ABR: variants seen among roughly 807,000 people sequenced by gnomAD.
ABR encodes the protein ABR activator of RhoGEF and GTPase.
Under a neutral mutation model 107.2 loss-of-function variants are expected in ABR, and 35 were observed. The ratio of observed to expected loss-of-function variants is 0.33; its 90% CI spans 0.25 to 0.43. The LOEUF (loss-of-function observed/expected upper bound fraction) is 0.43, where lower values mean the gene tolerates loss of function less well. Ranked by LOEUF, ABR falls within the 20% of genes least tolerant of loss-of-function variation. The probability of loss-of-function intolerance (pLI) is 1.00; values close to 1 mark genes in which losing one functional copy is unlikely to be tolerated. For synonymous variants in ABR, 498 were observed against 462.0 expected, an observed-to-expected ratio of 1.08 and a Z score of -1.00; for missense variants, 815 against 1,115.2, an observed-to-expected ratio of 0.73 and a Z score of 3.83.
intron 16 of ABR, among the ~76,000 whole-genome samples, chr17:1,045,392 GGA>G (rs2031417618): frequency 8.0e-6 from 1 of 125,744 alleles, no homozygotes; most frequent in Non-Finnish European, 1.8e-5. Context: ...TCTTACAGCA[GGA>G]CAATCTTCCG....
chr17:1,006,797 C>CAGATGTCCGCAGCCGAG (rs2070074145), intron 22 of ABR, among the ~76,000 whole-genome samples: 1 of 133,594 alleles, frequency 7.5e-6, no homozygotes, highest in African/African-American at 2.8e-5. Context: ...GTCATGGGAC[C>CAGATGTCCGCAGCCGAG]GTCACCCTCC....
At chr17:1,119,822 T>C (rs2039264884) in intron 2 of ABR, among the ~76,000 whole-genome samples, 1 of 152,230 alleles carries the variant, frequency 6.6e-6, no homozygotes, top group South Asian at 2.1e-4. Context: ...TCTGGCATCA[T>C]AGAAACCCAA....
At position 1,179,783 on chromosome 17, in the gene ABR, A is replaced by C; in HGVS notation, c.-56T>G. The stretch of plus-strand genomic sequence containing the variant: ...CCCGACCCTCATCGCGCAACAAAGG[A>C]GGGAGAGCGGGCGGGAGCCGGGGGA... On this transcript the variant is annotated 5_prime_UTR_variant, in exon 1 of 23. Transcript: ENST00000302538. The surrounding 1 kb of genome is among the most constrained non-coding windows in gnomAD (Gnocchi z 4.9). The C allele has an allele frequency of 3.1e-5, 10 of 327,524 alleles. No individual in the cohort carries two copies. The highest frequency in any genetic ancestry group is 4.8e-5 in the Non-Finnish European group (8 of 165,566). The allele number at this position is 327,524 out of a possible 1,614,324, so 20.3% of individuals were successfully genotyped here.
chr17:1,056,442 G>C (rs2033285129), intron 13 of ABR, among the ~76,000 whole-genome samples: 1 of 152,034 alleles, frequency 6.6e-6, no homozygotes, highest in African/African-American at 2.4e-5. Flanking sequence ...TGACCAATAT[G>C]ATAAATCATT....
At chr17:1,108,537 C>T (rs769935353) in intron 2 of ABR, among the ~76,000 whole-genome samples, 5 of 152,262 alleles carry the variant, frequency 3.3e-5, no homozygotes, top group Admixed American at 6.5e-5. Context: ...TTGCAAACAC[C>T]CTCTTGCCTC....
Position 1,050,266 on chromosome 17 carries a change from G to C in ABR, c.1660-85C>G. The C allele has an allele frequency of 6.6e-7, 1 of 1,510,002 alleles. No homozygotes were observed. The highest frequency in any genetic ancestry group is 8.9e-7 in the Non-Finnish European group (1 of 1,123,652). The allele number at this position is 1,510,002 out of a possible 1,614,324, so 93.5% of individuals were successfully genotyped here. On this transcript the variant is annotated intron_variant, in intron 15 of 22. Coordinates refer to ENST00000302538, the MANE Select transcript of ABR (RefSeq NM_021962.5). The surrounding 1 kb of genome is among the most constrained non-coding windows in gnomAD (Gnocchi z 4.6). The stretch of plus-strand genomic sequence containing the variant: ...GCAGGTGCGTGCCTCAGCTTTGCAA[G>C]GAGGAGGGAGTAAGCACGGCCCACG...
intron 1 of ABR, among the ~76,000 whole-genome samples, chr17:1,153,431 C>T (rs908577202): frequency 2.1e-5 from 3 of 142,478 alleles, no homozygotes; most frequent in East Asian, 4.3e-4. Flanking sequence ...GGCACACCTG[C>T]GGGAGGGCTG....
intron 4 of ABR, 121 bp from the exon 5 acceptor site, chr17:1,083,748 C>A (rs907308241): frequency 6.3e-6 from 5 of 797,888 alleles, no homozygotes; most frequent in Non-Finnish European, 1.1e-5. Flanking sequence ...TCACTCAGCT[C>A]GTTGGGAACT....
At position 1,147,292 on chromosome 17, in the gene ABR, C is replaced by T. The variant is rs1597971277; in HGVS notation, c.62-21925G>A. ...CAGAGCCCCCCGTCTACCAGGACCA[C>T]TGTGAGCAAGCAGCAGCTTGCTTGT... On this transcript the variant is annotated intron_variant, in intron 1 of 22. Transcript: ENST00000302538. Among the ~76,000 whole-genome samples the T allele has an allele frequency of 1.3e-5, 2 of 152,162 alleles. 1 individual carries two copies.
At chr17:1,204,921 T>TA (rs2042761084) in intron 1 of ABR, among the ~76,000 whole-genome samples, 1 of 117,394 alleles carries the variant, frequency 8.5e-6, no homozygotes, top group Non-Finnish European at 1.7e-5. Context: ...TTTTTTTTTT[T>TA]GAGACTGAGT....
intron 1 of ABR, among the ~76,000 whole-genome samples, chr17:1,216,633 G>A (rs2043015757): frequency 6.6e-6 from 1 of 152,156 alleles, no homozygotes; most frequent in Non-Finnish European, 1.5e-5. Context: ...ACCCTCTGTA[G>A]CCCAAACAAA....
At chr17:1,160,244 ACT>A (rs1177881877) in intron 1 of ABR, among the ~76,000 whole-genome samples, 1 of 150,500 alleles carries the variant, frequency 6.6e-6, no homozygotes, top group African/African-American at 2.5e-5. Flanking sequence ...ACAGAGCAAG[ACT>A]CTGTCTCAAA....
chr17:1,038,017 C>G (rs927907754), intron 16 of ABR, among the ~76,000 whole-genome samples: 14 of 152,232 alleles, frequency 9.2e-5, no homozygotes, highest in Non-Finnish European at 1.9e-4. Flanking sequence ...ATGCCGACGT[C>G]TCCCTGCCCA....
rs1301531295 is a variant in ABR at position 1,078,477 on chromosome 17, G to A, written c.700+853C>T. On this transcript the variant is annotated intron_variant, in intron 6 of 22. Coordinates refer to ENST00000302538, the MANE Select transcript of ABR (RefSeq NM_021962.5). The surrounding 1 kb of genome is among the most constrained non-coding windows in gnomAD (Gnocchi z 7.5). ...CGCAGACCCTCTCCCTGGCCTCAGG[G>A]CTACTACGTCTGCGGGCACAGCTCG... Among the ~76,000 whole-genome samples, 2 of 152,092 alleles carry A rather than the reference G, an allele frequency of 1.3e-5. No individual in the cohort carries two copies. The highest frequency in any genetic ancestry group is 2.9e-5 in the Non-Finnish European group (2 of 68,008).
intron 1 of ABR, among the ~76,000 whole-genome samples, chr17:1,215,309 C>T (rs1332559845): frequency 6.6e-6 from 1 of 151,394 alleles, no homozygotes; most frequent in African/African-American, 2.4e-5. Flanking sequence ...GACTGTACTG[C>T]TGCCATCTCG....
At chr17:1,182,568 T>A (rs374719435), upstream of ABR, among the ~76,000 whole-genome samples, 11 of 152,036 alleles carry the variant, frequency 7.2e-5, no homozygotes, top group African/African-American at 1.9e-4. Flanking sequence ...GGGTTTCACC[T>A]TGTTAGCCAG....
At chr17:1,136,062 T>C (rs183008396) in intron 1 of ABR, among the ~76,000 whole-genome samples, 1 of 152,324 alleles carries the variant, frequency 6.6e-6, no homozygotes, top group Admixed American at 6.5e-5. Flanking sequence ...AAGTCACCCC[T>C]GCACTGGCCC....
chr17:1,087,738 C>T (rs1051991196), intron 4 of ABR, among the ~76,000 whole-genome samples: 4 of 152,140 alleles, frequency 2.6e-5, no homozygotes, highest in East Asian at 1.9e-4. Flanking sequence ...AAAGGCTCCT[C>T]TTGCCCCCTT....
chr17:1,218,801 C>G (rs1316319220), intron 1 of ABR, among the ~76,000 whole-genome samples: 1 of 152,112 alleles, frequency 6.6e-6, no homozygotes, highest in Non-Finnish European at 1.5e-5. Flanking sequence ...AAGATGGGCC[C>G]CCAAGTCCAG....
Sources: gnomAD v4.1 joint callset for allele counts (sites outside exome capture counted in the v4.1 genomes callset) on GRCh38, gnomAD v4.1.1 for gene constraint, Gnocchi (gnomAD v3.1) non-coding constraint, MANE v1.5 for transcripts, NCBI Gene and HGNC (gene_info 2026-07-23, HGNC 2026-07-21) for gene names.